Variants in CCDC149 observed in about 807,000 individuals in gnomAD.
The protein encoded by CCDC149 is coiled-coil domain containing 149, also known as coiled-coil domain-containing protein 149.
CCDC149 carries 45 observed loss-of-function variants against 59.9 expected under a neutral mutation model. That is an observed-to-expected ratio of 0.75 (90% CI 0.59 to 0.96). The LOEUF (loss-of-function observed/expected upper bound fraction) is 0.96. Ranked by LOEUF, CCDC149 falls within the 40% of genes least tolerant of loss-of-function variation. The pLI is 0.00. For synonymous variants in CCDC149, 245 were observed against 260.6 expected (o/e 0.94, Z 0.58); for missense variants, 584 against 664.7 (o/e 0.88, Z 1.33).
At chr4:24,968,143 A>G (rs562401536) in intron 1 of CCDC149, among the ~76,000 whole-genome samples, 6 of 152,344 alleles carry the variant, frequency 3.9e-5, no homozygotes, top group Admixed American at 3.3e-4. Context: ...AGGGGCTCCC[A>G]TTTGAGCTGG....
chr4:24,913,622 T>C (rs760000226), upstream of CCDC149, among the ~76,000 whole-genome samples: 2 of 152,176 alleles, frequency 1.3e-5, no homozygotes, highest in Non-Finnish European at 2.9e-5. Context: ...GGGAGATGGT[T>C]AGCATGGGTT....
intron 1 of CCDC149, among the ~76,000 whole-genome samples, chr4:24,953,700 C>A (rs575565722): frequency 6.6e-6 from 1 of 152,210 alleles, no homozygotes; most frequent in East Asian, 1.9e-4. Context: ...CAGAAACTGT[C>A]CCTGAAAAAG....
At chr4:24,820,540 G>T (rs1715326168) in intron 11 of CCDC149, among the ~76,000 whole-genome samples, 1 of 152,140 alleles carries the variant, frequency 6.6e-6, no homozygotes, top group African/African-American at 2.4e-5. Context: ...GGAGGATGAG[G>T]AGGAGAAAAA....
intron 9 of CCDC149, among the ~76,000 whole-genome samples, chr4:24,826,364 G>A (rs1715739106): frequency 6.6e-6 from 1 of 152,150 alleles, no homozygotes; most frequent in African/African-American, 2.4e-5. Flanking sequence ...GAAGCAGAAA[G>A]ATCAGTTAGA....
At chr4:24,826,112 C>T (rs139030933) in intron 9 of CCDC149, among the ~76,000 whole-genome samples, 4 of 151,890 alleles carry the variant, frequency 2.6e-5, no homozygotes, top group African/African-American at 4.8e-5. Flanking sequence ...TCTGCTGCCA[C>T]GCCTGGCTAA....
chr4:24,835,398 A>AT (rs981304250), intron 7 of CCDC149, among the ~76,000 whole-genome samples: 6 of 152,338 alleles, frequency 3.9e-5, no homozygotes, highest in Admixed American at 2.6e-4. Flanking sequence ...GACTAGGTTT[A>AT]TTTCCATGCA....
At chr4:24,887,677 G>A (rs942484648) in intron 1 of CCDC149, among the ~76,000 whole-genome samples, 4 of 151,990 alleles carry the variant, frequency 2.6e-5, no homozygotes, top group African/African-American at 7.3e-5. Flanking sequence ...CTCCATGCCT[G>A]GAACCTCTGT....
intron 1 of CCDC149, among the ~76,000 whole-genome samples, chr4:24,882,529 G>A (rs547192788): frequency 1.2e-4 from 19 of 152,270 alleles, no homozygotes; most frequent in South Asian, 6.2e-4. Context: ...ATAACAAAAC[G>A]TTATTTCCTG....
chr4:24,971,130 C>A (rs1367579520), intron 1 of CCDC149, among the ~76,000 whole-genome samples: 2 of 152,324 alleles, frequency 1.3e-5, no homozygotes, highest in East Asian at 3.9e-4. Flanking sequence ...TGCAAAGGGT[C>A]TCATGGGAGA....
chr4:24,819,612 C>T (rs1369665207), intron 12 of CCDC149, among the ~76,000 whole-genome samples: 1 of 152,116 alleles, frequency 6.6e-6, no homozygotes, highest in Non-Finnish European at 1.5e-5. Flanking sequence ...TGAGCCACTG[C>T]ACCTGGCACA....
intron 1 of CCDC149, among the ~76,000 whole-genome samples, chr4:24,951,553 A>G (rs1464883223): frequency 6.6e-6 from 1 of 152,208 alleles, no homozygotes; most frequent in African/African-American, 2.4e-5. Flanking sequence ...TTTTCATGGT[A>G]ACTTACTCTG....
At chr4:24,949,917 G>T (rs1045246423) in intron 1 of CCDC149, among the ~76,000 whole-genome samples, 1 of 152,198 alleles carries the variant, frequency 6.6e-6, no homozygotes, top group Admixed American at 6.5e-5. Flanking sequence ...TTAGGAACCT[G>T]CAGGTGCACA....
chr4:24,858,508 T>G (rs1478913783), intron 3 of CCDC149, among the ~76,000 whole-genome samples: 3 of 152,190 alleles, frequency 2.0e-5, no homozygotes, highest in African/African-American at 7.2e-5. Flanking sequence ...AATCCATATA[T>G]TTAAGTCACT....
chr4:24,838,319 A>G, intron 4 of CCDC149, 47 bp from the exon 5 acceptor site: 1 of 1,417,460 alleles, frequency 7.1e-7, no homozygotes, highest in South Asian at 1.1e-5. Flanking sequence ...GAGAATAAAC[A>G]GATCCAAATA....
At chr4:24,895,779 C>A (rs1392826414) in intron 1 of CCDC149, among the ~76,000 whole-genome samples, 1 of 152,178 alleles carries the variant, frequency 6.6e-6, no homozygotes, top group African/African-American at 2.4e-5. Context: ...GTGCACCTGT[C>A]TTCAGGCTCC....
chr4:24,946,231 C>T (rs548572967), intron 1 of CCDC149, among the ~76,000 whole-genome samples: 9 of 152,186 alleles, frequency 5.9e-5, no homozygotes, highest in African/African-American at 2.2e-4. Context: ...TGTCATGGTT[C>T]AATTGCCTAG....
intron 1 of CCDC149, among the ~76,000 whole-genome samples, chr4:24,899,081 G>A (rs902766499): frequency 1.3e-5 from 2 of 152,164 alleles, no homozygotes; most frequent in African/African-American, 4.8e-5. Flanking sequence ...ATGCTTAGAT[G>A]ATGACTCTAG....
intron 4 of CCDC149, among the ~76,000 whole-genome samples, chr4:24,842,189 C>T (rs987799500): frequency 6.6e-5 from 10 of 152,198 alleles, no homozygotes; most frequent in Non-Finnish European, 1.2e-4. Flanking sequence ...TGGGACTTCT[C>T]TTTGATACTT....
intron 1 of CCDC149, among the ~76,000 whole-genome samples, chr4:24,880,098 A>T (rs1719749520): frequency 1.3e-5 from 2 of 152,260 alleles, no homozygotes; most frequent in Admixed American, 1.3e-4. Context: ...TTATACAGTC[A>T]TGTAGTACAT....
Sources: gnomAD v4.1 joint callset for allele counts (sites outside exome capture counted in the v4.1 genomes callset) on GRCh38, gnomAD v4.1.1 for gene constraint, MANE v1.5 for transcripts, NCBI Gene and HGNC (gene_info 2026-07-23, HGNC 2026-07-21) for gene names.